GRM7: variants seen among roughly 807,000 people sequenced by gnomAD.
GRM7 encodes the protein glutamate metabotropic receptor 7.
In GRM7, 35 loss-of-function variants were observed where a neutral mutation model predicts 84.5. The observed-to-expected ratio is 0.41, with a 90% confidence interval of 0.32 to 0.55. The LOEUF (loss-of-function observed/expected upper bound fraction) is 0.55. Among genes scored for constraint, GRM7 ranks in the 20% least tolerant of loss-of-function variants. GRM7 has a pLI of 0.19. For synonymous variants in GRM7, 487 were observed against 455.1 expected (o/e 1.07, Z -0.89); for missense variants, 1,003 against 1,194.6 (o/e 0.84, Z 2.36).
intron 4 of GRM7, among the ~76,000 whole-genome samples, chr3:7,382,944 A>G (rs998350990): frequency 3.9e-5 from 6 of 152,196 alleles, no homozygotes; most frequent in Non-Finnish European, 8.8e-5. Context: ...TACCCTTGCT[A>G]TCCACAGACT....
chr3:6,986,832 T>G (rs1016957443), intron 1 of GRM7, among the ~76,000 whole-genome samples: 13 of 152,172 alleles, frequency 8.5e-5, no homozygotes, highest in Admixed American at 3.9e-4. Context: ...TCTTCTCTCC[T>G]CTGAGCACGT....
intron 4 of GRM7, among the ~76,000 whole-genome samples, chr3:7,327,764 A>G (rs1225934069): frequency 3.3e-5 from 5 of 152,216 alleles, no homozygotes; most frequent in African/African-American, 4.8e-5. Flanking sequence ...AAGAGATGTC[A>G]TAATATTTGC....
At chr3:7,384,997 C>T (rs1316132443) in intron 4 of GRM7, among the ~76,000 whole-genome samples, 1 of 152,088 alleles carries the variant, frequency 6.6e-6, no homozygotes, top group Non-Finnish European at 1.5e-5. Context: ...TTGTAAACTG[C>T]CTTTAAATGA....
chr3:7,138,142 A>T (rs541367168), intron 1 of GRM7, among the ~76,000 whole-genome samples: 146 of 152,166 alleles, frequency 9.6e-4, no homozygotes, highest in African/African-American at 3.3e-3. Context: ...AACACTGGCT[A>T]TTCACTTGGC....
intron 8 of GRM7, among the ~76,000 whole-genome samples, chr3:7,626,270 G>T (rs1379998183): frequency 6.6e-6 from 1 of 152,128 alleles, no homozygotes; most frequent in Non-Finnish European, 1.5e-5. Context: ...TCTAGAAATA[G>T]CAGTTCTATG....
intron 1 of GRM7, among the ~76,000 whole-genome samples, chr3:6,951,769 A>T (rs755542384): frequency 6.6e-6 from 1 of 152,186 alleles, no homozygotes; most frequent in Non-Finnish European, 1.5e-5. Flanking sequence ...ATAAATGTCA[A>T]TTAGGTCAAG....
At chr3:7,726,184 G>A (rs991549059) in intron 9 of GRM7, among the ~76,000 whole-genome samples, 37 of 152,020 alleles carry the variant, frequency 2.4e-4, no homozygotes, top group African/African-American at 3.9e-4. Context: ...ATTAGATTGC[G>A]TAGGAGAGTC....
chr3:7,061,702 G>A (rs977960571), intron 1 of GRM7, among the ~76,000 whole-genome samples: 1 of 151,718 alleles, frequency 6.6e-6, no homozygotes, highest in Non-Finnish European at 1.5e-5. Flanking sequence ...AGGACTGACA[G>A]GAGAGTAAGA....
chr3:7,392,458 GCTGTGGCCA>G (rs1165018934), intron 4 of GRM7, among the ~76,000 whole-genome samples: 2 of 151,950 alleles, frequency 1.3e-5, no homozygotes, highest in Non-Finnish European at 2.9e-5. Flanking sequence ...TAAAATGCCT[GCTGTGGCCA>G]CTGCTGCCAG....
chr3:7,209,332 C>G (rs1696344512), intron 2 of GRM7, among the ~76,000 whole-genome samples: 1 of 152,014 alleles, frequency 6.6e-6, no homozygotes, highest in African/African-American at 2.4e-5. Flanking sequence ...CCAAGAAAGA[C>G]CAATGCCTGG....
intron 1 of GRM7, among the ~76,000 whole-genome samples, chr3:7,107,944 A>T (rs1488051671): frequency 1.3e-5 from 2 of 152,076 alleles, no homozygotes; most frequent in Non-Finnish European, 2.9e-5. Context: ...CAGATGTTTG[A>T]GCATTCATAA....
chr3:6,961,673 G>A (rs1446229515), intron 1 of GRM7, among the ~76,000 whole-genome samples: 1 of 151,930 alleles, frequency 6.6e-6, no homozygotes, highest in Non-Finnish European at 1.5e-5. Flanking sequence ...AAAAGAAAAC[G>A]CCTTACCTTC....
intron 1 of GRM7, among the ~76,000 whole-genome samples, chr3:7,057,451 T>C (rs1003349411): frequency 2.0e-5 from 3 of 151,958 alleles, no homozygotes; most frequent in African/African-American, 7.2e-5. Context: ...TATTTTACTT[T>C]TTTATACATC....
At chr3:7,215,293 C>T (rs1349675124) in intron 2 of GRM7, among the ~76,000 whole-genome samples, 1 of 152,286 alleles carries the variant, frequency 6.6e-6, no homozygotes, top group African/African-American at 2.4e-5. Context: ...TGATGCTGCC[C>T]TTACTTCATG....
intron 5 of GRM7, among the ~76,000 whole-genome samples, chr3:7,441,227 TC>T (rs1697273797): frequency 6.6e-6 from 1 of 152,210 alleles, no homozygotes. Context: ...TTTACATTTC[TC>T]TAATGATTAG....
intron 2 of GRM7, among the ~76,000 whole-genome samples, chr3:7,219,989 A>G (rs948663302): frequency 1.3e-5 from 2 of 152,242 alleles, no homozygotes; most frequent in Non-Finnish European, 2.9e-5. Context: ...ACTGATCTAA[A>G]CAAAAAAATA....
At chr3:7,348,048 G>T (rs1692969419) in intron 4 of GRM7, among the ~76,000 whole-genome samples, 1 of 152,140 alleles carries the variant, frequency 6.6e-6, no homozygotes, top group African/African-American at 2.4e-5. Flanking sequence ...TCATCCCAAG[G>T]TCAGCCTAGT....
intron 1 of GRM7, among the ~76,000 whole-genome samples, chr3:6,991,901 T>C (rs547206894): frequency 2.6e-5 from 4 of 152,110 alleles, no homozygotes; most frequent in Non-Finnish European, 4.4e-5. Flanking sequence ...TAACCAAAAT[T>C]TTGTACCCTT....
At chr3:7,527,724 C>A (rs1362767966) in intron 7 of GRM7, among the ~76,000 whole-genome samples, 1 of 151,846 alleles carries the variant, frequency 6.6e-6, no homozygotes, top group African/African-American at 2.4e-5. Flanking sequence ...TTTTTTAGAG[C>A]TTTTATCATG....
Sources: gnomAD v4.1 joint callset for allele counts (sites outside exome capture counted in the v4.1 genomes callset) on GRCh38, gnomAD v4.1.1 for gene constraint, MANE v1.5 for transcripts, NCBI Gene and HGNC (gene_info 2026-07-23, HGNC 2026-07-21) for gene names.